The following MAD1L1 variants were observed in gnomAD, a reference collection of about 807,000 sequenced individuals.
MAD1L1 encodes the protein mitotic spindle assembly checkpoint protein MAD1.
Under a neutral mutation model 96.9 loss-of-function variants are expected in MAD1L1, and 95 were observed. The ratio of observed to expected loss-of-function variants is 0.98; its 90% CI spans 0.83 to 1.16. The LOEUF is 1.16. MAD1L1 is among the 50% of genes most tolerant of loss of function. The pLI is 0.00. For missense variants in MAD1L1, 1,007 were observed against 954.4 expected (o/e 1.06, Z -0.73); for synonymous variants, 473 against 396.6 (o/e 1.19, Z -2.29).
chr7:1,997,862 GAGAC>G (rs1781626738), intron 14 of MAD1L1, among the ~76,000 whole-genome samples: 1 of 152,198 alleles, frequency 6.6e-6, no homozygotes, highest in African/African-American at 2.4e-5. Flanking sequence ...CACAGCCAGC[GAGAC>G]CCCTCCTCTC....
At chr7:2,232,563 G>C (rs556236693) in intron 1 of MAD1L1, among the ~76,000 whole-genome samples, 20 of 152,314 alleles carry the variant, frequency 1.3e-4, no homozygotes, top group Non-Finnish European at 2.8e-4. Flanking sequence ...GGGACCACGA[G>C]CACGCGCCCC....
intron 11 of MAD1L1, among the ~76,000 whole-genome samples, chr7:2,081,783 G>C (rs1453743547): frequency 6.6e-6 from 1 of 152,256 alleles, no homozygotes; most frequent in East Asian, 1.9e-4. Flanking sequence ...GTTAGAGAGG[G>C]GAAGGCCGCC....
At position 2,225,660 on chromosome 7, in the gene MAD1L1, CGTGCTAAGTCTTGAT is replaced by C. The variant is rs2115018514; in HGVS notation, c.151-125_151-111del. 3 of 1,230,698 alleles carry C rather than the reference CGTGCTAAGTCTTGAT, an allele frequency of 2.4e-6. No homozygotes were observed. In the South Asian group the frequency reaches 4.3e-5, roughly 18 times the overall value. The allele number at this position is 1,230,698 out of a possible 1,614,324, so 76.2% of individuals were successfully genotyped here. A position where few individuals can be genotyped will look rare whatever the true frequency, so the allele number is the denominator to read the frequency against. Reference sequence around the variant, plus strand: ...CCTGAGGACCCATTCCCGCAGGTCCCGTGCTAAGTCTTGATGTGGCCCAGCCACTGGGCTCCAGGC... The same window carrying C: ...CCTGAGGACCCATTCCCGCAGGTCCCGTGGCCCAGCCACTGGGCTCCAGGC... On this transcript the variant is annotated intron_variant, in intron 3 of 18. Transcript: ENST00000265854.
intron 9 of MAD1L1, among the ~76,000 whole-genome samples, chr7:2,215,593 A>G (rs890216289): frequency 6.6e-6 from 1 of 151,994 alleles, no homozygotes; most frequent in Non-Finnish European, 1.5e-5. Flanking sequence ...ACCCAGCAAG[A>G]GCTGCCAAGT....
At chr7:2,115,547 G>A (rs1310276950) in intron 11 of MAD1L1, among the ~76,000 whole-genome samples, 2 of 149,546 alleles carry the variant, frequency 1.3e-5, no homozygotes, top group Non-Finnish European at 3.0e-5. Context: ...GGTCAGAGGA[G>A]GCGCTGGACA....
chr7:1,978,909 C>T (rs945213215), intron 15 of MAD1L1, among the ~76,000 whole-genome samples: 2 of 152,200 alleles, frequency 1.3e-5, no homozygotes, highest in African/African-American at 2.4e-5. Context: ...TAAATGAAAC[C>T]GCTCAGACTC....
chr7:1,894,572 A>G (rs1786748764), intron 18 of MAD1L1, among the ~76,000 whole-genome samples: 6 of 152,112 alleles, frequency 3.9e-5, no homozygotes, highest in Admixed American at 3.9e-4. Context: ...GGAGACTGAA[A>G]CTTGGGGAGG....
intron 11 of MAD1L1, among the ~76,000 whole-genome samples, chr7:2,102,206 C>T (rs1252679914): frequency 3.3e-5 from 5 of 151,398 alleles, no homozygotes; most frequent in South Asian, 2.1e-4. Context: ...CCACCGTCAC[C>T]GTCACCACCG....
At chr7:2,168,964 G>A (rs1242769644) in intron 10 of MAD1L1, among the ~76,000 whole-genome samples, 3 of 152,276 alleles carry the variant, frequency 2.0e-5, no homozygotes, top group Non-Finnish European at 2.9e-5. Flanking sequence ...TTGCTGATGG[G>A]CTCTTACGTG....
At chr7:1,980,701 C>G in intron 14 of MAD1L1, 160 bp from the exon 15 acceptor site, 1 of 713,004 alleles carries the variant, frequency 1.4e-6, no homozygotes, top group South Asian at 1.5e-5. Context: ...GCTGCCAGGC[C>G]AGACAGCACT....
intron 12 of MAD1L1, among the ~76,000 whole-genome samples, chr7:2,020,148 G>C (rs1290810184): frequency 6.6e-6 from 1 of 152,234 alleles, no homozygotes; most frequent in Non-Finnish European, 1.5e-5. Context: ...AAACAGAGGA[G>C]CCGCCCAGGC....
chr7:2,170,083 G>C (rs1790641360), intron 10 of MAD1L1, among the ~76,000 whole-genome samples: 1 of 152,146 alleles, frequency 6.6e-6, no homozygotes, highest in Non-Finnish European at 1.5e-5. Context: ...AAACACCCGG[G>C]CCAGGCTCTG....
chr7:1,987,876 C>T (rs1330947591), intron 14 of MAD1L1, among the ~76,000 whole-genome samples: 1 of 152,184 alleles, frequency 6.6e-6, no homozygotes, highest in African/African-American at 2.4e-5. Context: ...ATACCACCAC[C>T]TGTCCCTGGG....
chr7:2,039,180 C>G (rs1783571180), intron 12 of MAD1L1, among the ~76,000 whole-genome samples: 1 of 152,214 alleles, frequency 6.6e-6, no homozygotes, highest in Non-Finnish European at 1.5e-5. Context: ...GAGATCTATT[C>G]AAGTATGTTT....
intron 12 of MAD1L1, among the ~76,000 whole-genome samples, chr7:2,032,654 C>A (rs1783279801): frequency 6.6e-6 from 1 of 152,226 alleles, no homozygotes; most frequent in Non-Finnish European, 1.5e-5. Flanking sequence ...ATGACTCGCC[C>A]ATGGGAAGTA....
chr7:2,011,650 C>T (rs768105561), intron 13 of MAD1L1, among the ~76,000 whole-genome samples: 57 of 152,272 alleles, frequency 3.7e-4, no homozygotes, highest in Non-Finnish European at 6.8e-4. Context: ...GCGGAGGTGC[C>T]CCCTCTGATG....
chr7:2,002,161 G>A (rs777135650), intron 13 of MAD1L1, 40 bp from the exon 14 acceptor site: 3 of 1,594,846 alleles, frequency 1.9e-6, no homozygotes, highest in Non-Finnish European at 2.6e-6. Context: ...ACTGTGGTGG[G>A]CCAGGCCCCA....
intron 18 of MAD1L1, among the ~76,000 whole-genome samples, chr7:1,884,809 G>A (rs1419975363): frequency 3.3e-5 from 5 of 152,228 alleles, no homozygotes; most frequent in Non-Finnish European, 7.3e-5. Flanking sequence ...GGGGCAGCCT[G>A]AGCCACAGCA....
intron 12 of MAD1L1, among the ~76,000 whole-genome samples, chr7:2,032,451 C>A (rs1479657233): frequency 6.6e-6 from 1 of 152,228 alleles, no homozygotes; most frequent in Non-Finnish European, 1.5e-5. Context: ...GCAGTGACCC[C>A]ACGAGTCCTG....
Sources: gnomAD v4.1 joint callset for allele counts (sites outside exome capture counted in the v4.1 genomes callset) on GRCh38, gnomAD v4.1.1 for gene constraint, MANE v1.5 for transcripts, NCBI Gene and HGNC (gene_info 2026-07-23, HGNC 2026-07-21) for gene names.